ZSCAN31: variants seen among roughly 807,000 people sequenced by gnomAD.
The protein encoded by ZSCAN31 is zinc finger and SCAN domain containing 31, also known as zinc finger and SCAN domain-containing protein 31.
In ZSCAN31, 14 loss-of-function variants were observed where a neutral mutation model predicts 22.5. The ratio of observed to expected loss-of-function variants is 0.62; its 90% CI spans 0.41 to 0.97. ZSCAN31 has a LOEUF of 0.97. Ranked by LOEUF, ZSCAN31 falls within the 50% of genes least tolerant of loss-of-function variation. ZSCAN31 has a pLI of 0.00. For synonymous variants in ZSCAN31, 168 were observed against 169.8 expected (o/e 0.99, Z 0.08); for missense variants, 424 against 483.4 (o/e 0.88, Z 1.15).
rs1193453100 is a variant in ZSCAN31, at chr6:28,347,147, A to T, written c.-370-5355T>A. Among the ~76,000 whole-genome samples the T allele has an allele frequency of 6.6e-6, 1 of 152,184 alleles. No individual in the cohort carries two copies. The highest frequency in any genetic ancestry group is 2.4e-5 in the African/African-American group (1 of 41,448). On this transcript the variant is annotated intron_variant, in intron 2 of 7. Coordinates refer to the ZSCAN31 transcript ENST00000396838. This position sits in a 1 kb window ranked among gnomAD's most constrained non-coding sequence, Gnocchi z 5.2. ...GAGGATCAGCTGGAGCCTCTCTTGT[A>T]ACTGCACCACAGTTCAACTACTCTG...
At position 28,326,481 on chromosome 6, in the gene ZSCAN31, T is replaced by C. The variant is rs1229738802; in HGVS notation, c.906A>G (p.Lys302=). 1 of 1,614,148 alleles carries C rather than the reference T, an allele frequency of 6.2e-7. No individual in the cohort carries two copies. Among genetic ancestry groups the C allele is most frequent in the Non-Finnish European group, 8.5e-7 (1 of 1,180,018 alleles). Residue 302 remains lysine, a synonymous_variant, in exon 4 of 4, where the codon AAA becomes AAG. Transcript: ENST00000344279. ...EKPYQCKECG[K]AFSASNGLTR... ...TGAGGCCATTGCTGGCACTGAAGGC[T>C]TTCCCACACTCCTTACATTGATAGG...
intron 1 of ZSCAN31, among the ~76,000 whole-genome samples, chr6:28,335,163 G>A (rs920233423): frequency 2.6e-5 from 4 of 152,090 alleles, no homozygotes; most frequent in African/African-American, 7.2e-5. Context: ...GCAAGGGAAG[G>A]GTCCCTGGAG....
chr6:28,327,646 C>T, intron 2 of ZSCAN31, 113 bp from the exon 3 acceptor site: 1 of 1,217,444 alleles, frequency 8.2e-7, no homozygotes. Flanking sequence ...AGAGATGTCA[C>T]AGTGGAAGGA....
chr6:28,332,234 A>T (rs1268685864), intron 1 of ZSCAN31: 1 of 152,208 alleles, frequency 6.6e-6, no homozygotes, highest in African/African-American at 2.4e-5. Flanking sequence ...TACAGATTAC[A>T]GACACTTCTT....
rs1763166883 is a variant in ZSCAN31, at chr6:28,324,980, T to G, written c.*1186A>C. 1 of 152,220 alleles carries G rather than the reference T, an allele frequency of 6.6e-6. No individual in the cohort carries two copies. The highest frequency in any genetic ancestry group is 1.5e-5 in the Non-Finnish European group (1 of 68,042). 9.4% of individuals were successfully genotyped at this position (152,220 alleles called of 1,614,324 possible). Reference sequence around the variant, plus strand: ...ACAAGTTTGTATTTATTTAATCTTATGTACCCTATGAGGAAGGTATTGGTA... The same window carrying G: ...ACAAGTTTGTATTTATTTAATCTTAGGTACCCTATGAGGAAGGTATTGGTA... On this transcript the variant is annotated 3_prime_UTR_variant, in exon 4 of 4. Transcript: ENST00000344279. This position sits in a 1 kb window ranked among gnomAD's most constrained non-coding sequence, Gnocchi z 4.8.
intron 2 of ZSCAN31, 80 bp from the exon 3 acceptor site, chr6:28,327,613 G>T: frequency 6.9e-7 from 1 of 1,440,594 alleles, no homozygotes; most frequent in Non-Finnish European, 9.4e-7. Flanking sequence ...ATATCACATG[G>T]AACTATATGA....
Position 28,329,672 on chromosome 6 carries a change from T to C in ZSCAN31, c.12A>G (p.Thr4=), listed in dbSNP as rs1250585124. The C allele has an allele frequency of 3.1e-6, 5 of 1,609,762 alleles. No homozygotes were observed. In the South Asian group the frequency reaches 4.4e-5, roughly 14 times the overall value. ...CAATCTTAAGATCGTACTGTTCCTC[T>C]GTTGAAGCCATTCCTGGGGTTAATT... MAS[T]EEQYDLKIVK... is the part of the protein sequence containing the mutation. The change falls in exon 2 of 4, where the codon ACA becomes ACG. Residue 4 remains threonine (T), a synonymous_variant. Transcript: ENST00000344279.
upstream of ZSCAN31, chr6:28,336,739 T>G (rs1561918084): frequency 6.6e-6 from 1 of 152,236 alleles, no homozygotes; most frequent in Non-Finnish European, 1.5e-5. Flanking sequence ...GCATCACTAT[T>G]GTTAGTCCTC....
At chr6:28,330,982 C>T (rs1763694109) in intron 1 of ZSCAN31, among the ~76,000 whole-genome samples, 1 of 152,072 alleles carries the variant, frequency 6.6e-6, no homozygotes, top group South Asian at 2.1e-4. Flanking sequence ...AGAGCACACA[C>T]AATGGCGATA....
At chr6:28,330,988 C>T (rs1057419904) in intron 1 of ZSCAN31, among the ~76,000 whole-genome samples, 2 of 151,828 alleles carry the variant, frequency 1.3e-5, no homozygotes, top group African/African-American at 2.4e-5. Flanking sequence ...CACACAATGG[C>T]GATAAAGACA....
chr6:28,331,033 A>G lies in ZSCAN31; in HGVS notation c.-95-1255T>C, dbSNP rs1000224610. Among the ~76,000 whole-genome samples the G allele has an allele frequency of 6.6e-6, 1 of 152,206 alleles. No homozygotes were observed. The highest frequency in any genetic ancestry group is 2.4e-5 in the African/African-American group (1 of 41,456). On this transcript the variant is annotated intron_variant, in intron 1 of 3. Coordinates refer to ENST00000344279, the MANE Select transcript of ZSCAN31 (RefSeq NM_030899.5). The surrounding 1 kb of genome is among the most constrained non-coding windows in gnomAD (Gnocchi z 4.8). ...GAACTATAGAATATGGGTTGTGGGT[A>G]AAATTGTGAGAGGAGATGAGGTTAG...
rs1179572326 is a variant in ZSCAN31 at position 28,325,336 on chromosome 6, T to G, written c.*830A>C. ...CTTGTGAAGAACAGAGATTTTAAAGTATCATCTTACTTATTATTTGTAACA... is the reference window on the plus strand; with the variant it reads ...CTTGTGAAGAACAGAGATTTTAAAGGATCATCTTACTTATTATTTGTAACA... On this transcript the variant is annotated 3_prime_UTR_variant, in exon 4 of 4. Coordinates refer to ENST00000344279, the MANE Select transcript of ZSCAN31 (RefSeq NM_030899.5). The G allele has an allele frequency of 1.3e-5, 2 of 152,236 alleles. No individual in the cohort carries two copies. The highest frequency in any genetic ancestry group is 4.8e-5 in the African/African-American group (2 of 41,450). The allele number at this position is 152,236 out of a possible 1,614,324, so 9.4% of individuals were successfully genotyped here. A position where few individuals can be genotyped will look rare whatever the true frequency, so the allele number is the denominator to read the frequency against.
chr6:28,342,229 A>C (rs1482207479), intron 2 of ZSCAN31, among the ~76,000 whole-genome samples: 2 of 152,208 alleles, frequency 1.3e-5, no homozygotes, highest in East Asian at 3.8e-4. Flanking sequence ...CTAATGCCAG[A>C]GAGCTAATTG....
intron 1 of ZSCAN31, 34 bp from the exon 2 acceptor site, chr6:28,329,812 A>C (rs1420265303): frequency 4.1e-6 from 5 of 1,222,716 alleles, no homozygotes; most frequent in Admixed American, 5.1e-5. Flanking sequence ...AATGGAAATA[A>C]ATCATAAAGT....
chr6:28,328,880 G>A (rs1332241861), intron 2 of ZSCAN31, among the ~76,000 whole-genome samples: 2 of 152,128 alleles, frequency 1.3e-5, no homozygotes, highest in African/African-American at 4.8e-5. Context: ...CTTCTGCTAT[G>A]GCTTCAGCTG....
chr6:28,325,217 T>C lies in ZSCAN31; in HGVS notation c.*949A>G, dbSNP rs1242694123. Reference sequence around the variant, plus strand: ...GACTTCTTTTCTTTATAAAACTACTTAAATGATGCTGCTTGCAATGGCACT... The same window carrying C: ...GACTTCTTTTCTTTATAAAACTACTCAAATGATGCTGCTTGCAATGGCACT... On this transcript the variant is annotated 3_prime_UTR_variant, in exon 4 of 4. Transcript: ENST00000344279. 1 of 152,210 alleles carries C rather than the reference T, an allele frequency of 6.6e-6. No individual in the cohort carries two copies. Among genetic ancestry groups the C allele is most frequent in the African/African-American group, 2.4e-5 (1 of 41,442 alleles). The allele number at this position is 152,210 out of a possible 1,614,324, so 9.4% of individuals were successfully genotyped here. A position where few individuals can be genotyped will look rare whatever the true frequency, so the allele number is the denominator to read the frequency against.
In ZSCAN31 at chr6:28,331,980, T is replaced by C. The variant is rs1763788985; in HGVS notation, c.-95-2202A>G. Among the ~76,000 whole-genome samples the C allele has an allele frequency of 6.6e-6, 1 of 152,206 alleles. No homozygotes were observed. The highest frequency in any genetic ancestry group is 1.5e-5 in the Non-Finnish European group (1 of 68,026). ...ATGAACTGTCTTTATCCTTAATGCATAGCACAGTGCCTGGCCCACTGTCAG... is the reference window on the plus strand; with the variant it reads ...ATGAACTGTCTTTATCCTTAATGCACAGCACAGTGCCTGGCCCACTGTCAG... On this transcript the variant is annotated intron_variant, in intron 1 of 3. Coordinates refer to ENST00000344279, the MANE Select transcript of ZSCAN31 (RefSeq NM_030899.5). This position sits in a 1 kb window ranked among gnomAD's most constrained non-coding sequence, Gnocchi z 4.8.
rs1385868574 is a variant in ZSCAN31 at position 28,351,054 on chromosome 6, T to G, written c.-371+2808A>C. Among the ~76,000 whole-genome samples the G allele has an allele frequency of 6.6e-6, 1 of 152,200 alleles. No individual in the cohort carries two copies. Among genetic ancestry groups the G allele is most frequent in the Non-Finnish European group, 1.5e-5 (1 of 68,020 alleles). On this transcript the variant is annotated intron_variant, in intron 2 of 7. Transcript: ENST00000396838. The surrounding 1 kb of genome is among the most constrained non-coding windows in gnomAD (Gnocchi z 4.6). ...GAAACTGGCTTCATACTAACACCCTTCATTTCAACCCAACTTTTACAGGGT... is the reference window on the plus strand; with the variant it reads ...GAAACTGGCTTCATACTAACACCCTGCATTTCAACCCAACTTTTACAGGGT...
chr6:28,341,362 T>C (rs1764405162), intron 3 of ZSCAN31, among the ~76,000 whole-genome samples: 1 of 152,154 alleles, frequency 6.6e-6, no homozygotes, highest in South Asian at 2.1e-4. Context: ...TGGCATAGAG[T>C]GAAAGCTTCT....
Sources: gnomAD v4.1 joint callset for allele counts (sites outside exome capture counted in the v4.1 genomes callset) on GRCh38, gnomAD v4.1.1 for gene constraint, Gnocchi (gnomAD v3.1) non-coding constraint, MANE v1.5 for transcripts, NCBI Gene and HGNC (gene_info 2026-07-23, HGNC 2026-07-21) for gene names.